GRIA1: variants seen among roughly 807,000 people sequenced by gnomAD.
GRIA1 encodes glutamate receptor 1.
In GRIA1, 31 loss-of-function variants were observed where a neutral mutation model predicts 99.2. The observed-to-expected ratio is 0.31, with a 90% CI of 0.23 to 0.42. The LOEUF (loss-of-function observed/expected upper bound fraction) is 0.42, where lower values mean the gene tolerates loss of function less well. Ranked by LOEUF, GRIA1 falls within the 10% of genes least tolerant of loss-of-function variation. The pLI is 1.00. For synonymous variants in GRIA1, 438 were observed against 432.4 expected (o/e 1.01, Z -0.16); for missense variants, 782 against 1,157.5 (o/e 0.68, Z 4.71).
chr5:153,508,772 T>C (rs552233529), intron 2 of GRIA1, among the ~76,000 whole-genome samples: 1 of 152,320 alleles, frequency 6.6e-6, no homozygotes, highest in Admixed American at 6.5e-5. Flanking sequence ...CAGTGGTTTA[T>C]AACAAAAGCT....
At chr5:153,510,551 A>G (rs73284011) in intron 2 of GRIA1, among the ~76,000 whole-genome samples, 2,963 of 152,274 alleles carry the variant, frequency 0.019, 90 homozygotes, top group African/African-American at 0.066. Flanking sequence ...AAAAGTTAAC[A>G]TGATGAGTTT....
Position 153,676,963 on chromosome 5 carries a change from G to C in GRIA1, c.862-31G>C, listed in dbSNP as rs188078784. ...ACCTGCCTTCCTGTCAGCTCTCTTTGATACCTAACTGTCTCCATTCCTCCC... is the reference window on the plus strand; with the variant it reads ...ACCTGCCTTCCTGTCAGCTCTCTTTCATACCTAACTGTCTCCATTCCTCCC... On this transcript the variant is annotated intron_variant, in intron 6 of 15. Transcript: ENST00000285900. The C allele has an allele frequency of 1.5e-5, 20 of 1,355,808 alleles. No homozygotes were observed. In the East Asian group the frequency reaches 5.5e-4, roughly 37 times the overall value. 84.0% of individuals were successfully genotyped at this position (1,355,808 alleles called of 1,614,324 possible). A position where few individuals can be genotyped will look rare whatever the true frequency, so the allele number is the denominator to read the frequency against.
chr5:153,497,938 G>A (rs78806900), intron 2 of GRIA1, among the ~76,000 whole-genome samples: 1,613 of 152,256 alleles, frequency 0.011, 29 homozygotes, highest in African/African-American at 0.037. Context: ...ATTCCTTGAA[G>A]AGTGGAGTTT....
At chr5:153,492,255 G>C in intron 1 of GRIA1, 1 of 1,535,392 alleles carries the variant, frequency 6.5e-7, no homozygotes, top group Middle Eastern at 1.7e-4. Context: ...GCTTGGAGTG[G>C]CCATGGAGTA....
At chr5:153,719,951 G>T (rs1428157376) in intron 11 of GRIA1, among the ~76,000 whole-genome samples, 1 of 152,184 alleles carries the variant, frequency 6.6e-6, no homozygotes, top group African/African-American at 2.4e-5. Flanking sequence ...TCTCCAAGTA[G>T]AGGACTATAT....
chr5:153,557,514 T>G (rs970555546), intron 2 of GRIA1, among the ~76,000 whole-genome samples: 1 of 152,238 alleles, frequency 6.6e-6, no homozygotes, highest in Non-Finnish European at 1.5e-5. Flanking sequence ...TTGACTCTTT[T>G]GTAGTAACAG....
intron 6 of GRIA1, 51 bp downstream of exon 6, chr5:153,674,712 G>A (rs1255620675): frequency 5.1e-6 from 8 of 1,574,262 alleles, no homozygotes; most frequent in Non-Finnish European, 6.9e-6. Context: ...CCCTTTGCCT[G>A]CCCCAGATTT....
At chr5:153,569,195 G>A (rs1761906712) in intron 2 of GRIA1, among the ~76,000 whole-genome samples, 1 of 152,216 alleles carries the variant, frequency 6.6e-6, no homozygotes, top group African/African-American at 2.4e-5. Flanking sequence ...CACTAAGCAT[G>A]TAGTAGGTAA....
At position 153,711,813 on chromosome 5, in the gene GRIA1, G is replaced by C. The variant is rs78758927; in HGVS notation, c.1823+5746G>C. ...CTGGGTTCAGGTGACCTTAGTAAGA[G>C]AATGAGAGGAGGTTAGAGGGTGCTA... On this transcript the variant is annotated intron_variant, in intron 11 of 15. Coordinates refer to ENST00000285900, the MANE Select transcript of GRIA1 (RefSeq NM_000827.4). Among the ~76,000 whole-genome samples the C allele has an allele frequency of 2.6e-5, 4 of 152,312 alleles. No homozygotes were observed. In the East Asian group the frequency reaches 7.7e-4, roughly 29 times the overall value.
intron 7 of GRIA1, among the ~76,000 whole-genome samples, chr5:153,679,839 T>C (rs942102080): frequency 1.3e-5 from 2 of 152,184 alleles, no homozygotes; most frequent in Non-Finnish European, 2.9e-5. Context: ...GGCCAAGAGG[T>C]CCAGCACAGC....
chr5:153,540,065 T>C (rs1005461025), intron 2 of GRIA1, among the ~76,000 whole-genome samples: 4 of 152,226 alleles, frequency 2.6e-5, no homozygotes, highest in African/African-American at 7.2e-5. Flanking sequence ...AGGTTGAAGG[T>C]AGAGATGGCC....
Position 153,640,538 on chromosome 5 carries a change from G to T in GRIA1, c.221-6390G>T, listed in dbSNP as rs186493965. On this transcript the variant is annotated intron_variant, in intron 2 of 15. Coordinates refer to ENST00000285900, the MANE Select transcript of GRIA1 (RefSeq NM_000827.4). ...CCTTCTCTTTTATCTTGGTGCTTTG[G>T]ATAAAGTGGTCCCTCTATCTAGACA... 1.2e-3 allele frequency among the ~76,000 whole-genome samples: 180 copies of T among 152,250 alleles called. 1 individual carries two copies. Among genetic ancestry groups the T allele is most frequent in the African/African-American group, 4.2e-3 (175 of 41,548 alleles).
At chr5:153,589,963 T>G (rs1763812367) in intron 2 of GRIA1, among the ~76,000 whole-genome samples, 1 of 152,172 alleles carries the variant, frequency 6.6e-6, no homozygotes, top group African/African-American at 2.4e-5. Context: ...TCACAAATGG[T>G]GTTTTGGAGT....
chr5:153,699,398 G>A (rs1444646225), intron 10 of GRIA1, among the ~76,000 whole-genome samples: 4 of 152,110 alleles, frequency 2.6e-5, no homozygotes, highest in Non-Finnish European at 5.9e-5. Flanking sequence ...GGCTCTCTCA[G>A]TATCAGTTTC....
In GRIA1 at chr5:153,663,657, T is replaced by A. The variant is rs1049907647; in HGVS notation, c.699+7785T>A. On this transcript the variant is annotated intron_variant, in intron 5 of 15. Coordinates refer to ENST00000285900, the MANE Select transcript of GRIA1 (RefSeq NM_000827.4). Reference sequence around the variant, plus strand: ...TCTGTCACTTACTCATGACCATTTATGCAAATCATATTTTTCTGTAAGATC... The same window carrying A: ...TCTGTCACTTACTCATGACCATTTAAGCAAATCATATTTTTCTGTAAGATC... Among the ~76,000 whole-genome samples the A allele has an allele frequency of 2.0e-5, 3 of 152,260 alleles. No homozygotes were observed. In the South Asian group the frequency reaches 6.2e-4, roughly 32 times the overall value.
chr5:153,569,812 CAT>C (rs1451890800), intron 2 of GRIA1, among the ~76,000 whole-genome samples: 1 of 152,124 alleles, frequency 6.6e-6, no homozygotes. Context: ...TTACGGACCT[CAT>C]AAACCTAAAG....
At chr5:153,611,079 T>G (rs2149409261) in intron 2 of GRIA1, among the ~76,000 whole-genome samples, 1 of 152,198 alleles carries the variant, frequency 6.6e-6, no homozygotes, top group African/African-American at 2.4e-5. Context: ...ACTCCTAGGA[T>G]TTGCCCACAG....
At chr5:153,675,209 G>C (rs1756485578) in intron 6 of GRIA1, among the ~76,000 whole-genome samples, 1 of 152,338 alleles carries the variant, frequency 6.6e-6, no homozygotes, top group Admixed American at 6.5e-5. Flanking sequence ...TCTGGGCAGA[G>C]CCACCATGTT....
At chr5:153,631,213 A>T (rs1289833825) in intron 2 of GRIA1, among the ~76,000 whole-genome samples, 1 of 152,248 alleles carries the variant, frequency 6.6e-6, no homozygotes. Context: ...ATAAATGATT[A>T]GATACAGTGT....
Sources: allele counts gnomAD v4.1 joint callset (sites outside exome capture counted in the v4.1 genomes callset), GRCh38; gene constraint gnomAD v4.1.1; transcripts MANE v1.5; gene names NCBI Gene and HGNC (gene_info 2026-07-23, HGNC 2026-07-21).